The following HCFC1 variants were observed in gnomAD, a reference collection of about 807,000 sequenced individuals.
HCFC1 encodes the protein host cell factor 1.
A neutral mutation model predicts 105.5 loss-of-function variants in HCFC1; 7 were observed. That is an observed-to-expected ratio of 0.07 (90% confidence interval 0.04 to 0.12). The LOEUF is 0.12. Among genes scored for constraint, HCFC1 ranks in the 10% least tolerant of loss-of-function variants. The pLI is 1.00. For missense variants in HCFC1, 1,065 were observed against 1,823.6 expected (o/e 0.58, Z 7.58); for synonymous variants, 918 against 828.1 (o/e 1.11, Z -1.86).
intron 1 of HCFC1, among the ~76,000 whole-genome samples, chrX:153,970,375 G>C (rs910184005): frequency 1.1e-4 from 10 of 89,252 alleles, no homozygotes; most frequent in Non-Finnish European, 1.9e-4. Flanking sequence ...GAAGATCAGA[G>C]AAAAGCACTG....
intron 1 of HCFC1, among the ~76,000 whole-genome samples, chrX:153,967,062 A>G (rs2065479778): frequency 8.9e-6 from 1 of 112,268 alleles, no homozygotes; most frequent in South Asian, 3.7e-4. Flanking sequence ...GAGGTCTGTC[A>G]GGGAGCACAG....
At chrX:153,953,515 C>T (rs890403968) in intron 18 of HCFC1, 92 bp downstream of exon 18, 5 of 957,520 alleles carry the variant, frequency 5.2e-6, no homozygotes, top group Non-Finnish European at 4.3e-6. Context: ...GGCCCCATGC[C>T]TGGTACAAGA....
rs373327413 is a variant in HCFC1 at position 153,954,904 on chromosome X, C to G, written c.3495G>C (p.Gln1165His). 4.3e-5 allele frequency: 50 copies of G among 1,168,173 alleles called. No individual in the cohort carries two copies. In the Middle Eastern group the frequency reaches 8.4e-4, roughly 20 times the overall value. ...ALEAAQGSKS[Q>H]CQTRQTSATS... ...TCGCGCTGGTCTGGCGGGTTTGGCA[C>G]TGGGACTTAGAGCCCTGGGCTGCCT... The change falls in exon 17 of 26, where the codon CAG (glutamine) becomes CAC (histidine). Residue 1165 changes from glutamine to histidine, a missense_variant. Physicochemically the swap from Gln to His is conservative, Grantham distance 24. Around this residue, in one of 17 missense-constraint regions of HCFC1, gnomAD observed 546 missense variants for 599.9 expected, o/e 0.91. Transcript: ENST00000310441.
At position 153,971,479 on chromosome X, in the gene HCFC1, G is replaced by A; in HGVS notation, c.-639C>T. ...CCGGAGGCCGGTGGAACCAGCTCGA[G>A]CTCTCGAGGGCCGTTTGGGGGCTCG... On this transcript the variant is annotated 5_prime_UTR_variant, in exon 1 of 26. Transcript: ENST00000310441. The A allele has an allele frequency of 3.4e-6, 1 of 294,588 alleles. No individual in the cohort carries two copies. The highest frequency in any genetic ancestry group is 5.9e-6 in the Non-Finnish European group (1 of 168,443). 24.3% of individuals were successfully genotyped at this position (294,588 alleles called of 1,213,427 possible). A position where few individuals can be genotyped will look rare whatever the true frequency, so the allele number is the denominator to read the frequency against.
rs1557113945 is a variant in HCFC1 at position 153,954,625 on chromosome X, G to A, written c.3774C>T (p.Cys1258=). 18 of 1,206,574 alleles carry A rather than the reference G, an allele frequency of 1.5e-5. No individual in the cohort carries two copies. Among genetic ancestry groups the A allele is most frequent in the Admixed American group, 1.1e-4 (5 of 45,913 alleles). ...GAGEPRMAPV[C]ESLQGGSPST... ...TGGGCGAGCCACCCTGGAGGCTCTC[G>A]CACACAGGTGCCATGCGGGGCTCCC... Residue 1258 remains cysteine, a synonymous_variant, in exon 17 of 26, where the codon TGC becomes TGT. Coordinates refer to ENST00000310441, the MANE Select transcript of HCFC1 (RefSeq NM_005334.3).
rs782363866 is a variant in HCFC1, at chrX:153,955,515, G to C, written c.2884C>G (p.Leu962Val). 2.6e-6 allele frequency: 3 copies of C among 1,175,263 alleles called. No homozygotes were observed. The highest frequency in any genetic ancestry group is 3.9e-5 in the South Asian group (2 of 50,977). The change falls in exon 17 of 26, where the codon CTG (leucine) becomes GTG (valine). Residue 962 changes from leucine (L) to valine (V), a missense_variant. Transcript: ENST00000310441. Reference sequence around the variant, plus strand: ...TCCACCCCACTAGGTGCCGTGATCAGAGTTACCTGGGTGGGCTGGGACACG... The same window carrying C: ...TCCACCCCACTAGGTGCCGTGATCACAGTTACCTGGGTGGGCTGGGACACG... ...QPVSQPTQVT[L>V]ITAPSGVEAQ... is the part of the protein sequence containing the mutation.
rs782673807 is a variant in HCFC1 at position 153,954,989 on chromosome X, C to T, written c.3410G>A (p.Arg1137Gln). The T allele has an allele frequency of 3.3e-6, 4 of 1,205,818 alleles. No individual in the cohort carries two copies. Among genetic ancestry groups the T allele is most frequent in the East Asian group, 3.0e-5 (1 of 33,614 alleles). The change falls in exon 17 of 26, where the codon CGG (arginine) becomes CAG (glutamine). Residue 1137 changes from arginine to glutamine, a missense_variant. Transcript: ENST00000310441. ...GGCAGGGGTGCCAGCTGCACAGGCC[C>T]GACGGGCATCTCGCTGGTGGTTGGC... ...VGANHQRDARRACAAGTPAVI... is the reference protein window; with the variant it reads ...VGANHQRDARQACAAGTPAVI...
In HCFC1 at chrX:153,951,999, T is replaced by C; in HGVS notation, c.5102A>G (p.Gln1701Arg). The change falls in exon 20 of 26, where the codon CAG becomes CGG. Residue 1701 changes from glutamine to arginine, a missense_variant. Coordinates refer to ENST00000310441, the MANE Select transcript of HCFC1 (RefSeq NM_005334.3). ...ATGCTGCTGCTGGGCCTGGGCCTCC[T>C]GCAGCTGCTGCTGCTGCACCAGGGC... is the stretch of plus-strand genomic sequence containing the variant. ...LAALVQQQQL[Q>R]EAQAQQQHHH... 3.3e-6 allele frequency: 4 copies of C among 1,196,527 alleles called. No individual in the cohort carries two copies. Among genetic ancestry groups the C allele is most frequent in the Non-Finnish European group, 4.5e-6 (4 of 888,160 alleles).
chrX:153,960,018 T>C lies in HCFC1; in HGVS notation c.1228A>G (p.Thr410Ala), dbSNP rs782419845. The change falls in exon 8 of 26, where the codon ACC (threonine) becomes GCC (alanine). Residue 410 changes from threonine (T) to alanine (A), a missense_variant. Physicochemically the swap from Thr to Ala is moderately conservative, Grantham distance 58 (BLOSUM62 0). This residue lies in a region of HCFC1 where 101 missense variants were observed against 155.1 expected (regional missense o/e 0.65). Transcript: ENST00000310441. ...YDIPATAATA[T>A]SPTPNPVPSV... ...GGGACCGGATTGGGTGTAGGGGAGG[T>C]GGCAGTAGCAGCCGTGGCAGGAATG... 3 of 1,206,662 alleles carry C rather than the reference T, an allele frequency of 2.5e-6. No individual in the cohort carries two copies. Among genetic ancestry groups the C allele is most frequent in the Non-Finnish European group, 3.4e-6 (3 of 893,541 alleles).
At chrX:153,950,193 G>A (rs782444927) in intron 24 of HCFC1, 50 bp downstream of exon 24, 34 of 1,082,158 alleles carry the variant, frequency 3.1e-5, no homozygotes, top group African/African-American at 1.3e-4. Context: ...TGCTGCACCC[G>A]GCTTCCTGGG....
Position 153,949,243 on chromosome X carries a change from G to A in HCFC1, c.*104C>T. On this transcript the variant is annotated 3_prime_UTR_variant, in exon 26 of 26. Transcript: ENST00000310441. Reference sequence around the variant, plus strand: ...GAGAGGAGTGAACAGCGGCTCGCGAGGGTGAAGTGCGAATGCTGGGACGGG... The same window carrying A: ...GAGAGGAGTGAACAGCGGCTCGCGAAGGTGAAGTGCGAATGCTGGGACGGG... The A allele has an allele frequency of 1.7e-6, 1 of 585,065 alleles. No individual in the cohort carries two copies. The highest frequency in any genetic ancestry group is 2.9e-6 in the Non-Finnish European group (1 of 350,876). The allele number at this position is 585,065 out of a possible 1,213,427, so 48.2% of individuals were successfully genotyped here.
chrX:153,959,655 C>A, intron 8 of HCFC1, 147 bp downstream of exon 8: 2 of 934,690 alleles, frequency 2.1e-6, no homozygotes. Flanking sequence ...CAGGCTTTAG[C>A]ATCCCCCTAC....
At chrX:153,950,622 A>G in intron 23 of HCFC1, 79 bp from the exon 24 acceptor site, 3 of 958,405 alleles carry the variant, frequency 3.1e-6, no homozygotes, top group Non-Finnish European at 2.9e-6. Context: ...CCCATAAGCC[A>G]TTTTCTAACA....
chrX:153,960,219 G>A lies in HCFC1; in HGVS notation c.1084+16C>T. The A allele has an allele frequency of 8.4e-7, 1 of 1,186,313 alleles. No individual in the cohort carries two copies. Among genetic ancestry groups the A allele is most frequent in the Non-Finnish European group, 1.1e-6 (1 of 880,943 alleles). ...GGAGGCTATGGGAGGAGGGGAGTCG[G>A]CTGGGCCGGGCCTACCTGTCTCTAG... On this transcript the variant is annotated intron_variant, in intron 7 of 25. Transcript: ENST00000310441.
At position 153,970,954 on chromosome X, in the gene HCFC1, A is replaced by C; in HGVS notation, c.-114T>G. ...AGCTCTCACGGAGAAGCGGTTTCTC[A>C]CACAGCGGTAGACGACTCCATGGAG... is the stretch of plus-strand genomic sequence containing the variant. On this transcript the variant is annotated 5_prime_UTR_variant, in exon 1 of 26. The change abolishes the stop of an existing upstream ORF in the 5' untranslated region. Coordinates refer to ENST00000310441, the MANE Select transcript of HCFC1 (RefSeq NM_005334.3). 3.7e-4 allele frequency: 225 copies of C among 607,934 alleles called. No individual in the cohort carries two copies. Among genetic ancestry groups the C allele is most frequent in the Non-Finnish European group, 5.1e-4 (207 of 402,583 alleles). 50.1% of individuals were successfully genotyped at this position (607,934 alleles called of 1,213,427 possible). A position where few individuals can be genotyped will look rare whatever the true frequency, so the allele number is the denominator to read the frequency against.
Position 153,951,965 on chromosome X carries a change from G to A in HCFC1, c.5136C>T (p.Leu1712=). The change falls in exon 20 of 26, where the codon CTC becomes CTT. Residue 1712 remains leucine (L), a synonymous_variant. Transcript: ENST00000310441. ...EAQAQQQHHH[L]PTEALAPADS... is the part of the protein sequence containing the mutation. ...CGGCAGGGGCCAGGGCCTCAGTGGG[G>A]AGGTGGTGATGCTGCTGCTGGGCCT... The A allele has an allele frequency of 8.4e-7, 1 of 1,192,855 alleles. No homozygotes were observed. Among genetic ancestry groups the A allele is most frequent in the African/African-American group, 1.7e-5 (1 of 57,737 alleles).
rs2065348942 is a variant in HCFC1, at chrX:153,954,384, T to C, written c.4015A>G (p.Asn1339Asp). The stretch of plus-strand genomic sequence containing the variant: ...CCCTCGGGCTGGCCCGTGCCCCCGT[T>C]TGAAGTAGCGGTGGTGGCCGTGTGG... ...TTHTATTATS[N>D]GGTGQPEGGQ... is the part of the protein sequence containing the mutation. The change falls in exon 17 of 26, where the codon AAC (asparagine) becomes GAC (aspartate). Residue 1339 changes from asparagine (N) to aspartate (D), a missense_variant. By Grantham distance (23) the Asn-to-Asp change is conservative. Transcript: ENST00000310441. 8.3e-7 allele frequency: 1 copy of C among 1,207,442 alleles called. No individual in the cohort carries two copies. The highest frequency in any genetic ancestry group is 2.2e-5 in the Admixed American group (1 of 45,662).
In HCFC1 at chrX:153,952,788, A is replaced by C. The variant is rs1557112992; in HGVS notation, c.4668T>G (p.Ser1556=). 8.3e-7 allele frequency: 1 copy of C among 1,206,955 alleles called. No homozygotes were observed. The highest frequency in any genetic ancestry group is 1.8e-5 in the South Asian group (1 of 56,517). Residue 1556 remains serine (S), a synonymous_variant, in exon 19 of 26, where the codon TCT becomes TCG. Coordinates refer to ENST00000310441, the MANE Select transcript of HCFC1 (RefSeq NM_005334.3). ...AVDLSSTGEP[S]SGQESAGSAV... ...CAGAGCCGGCAGACTCCTGGCCCGAAGATGGCTCCCCTGTGCTGCTCAGAT... is the reference window on the plus strand; with the variant it reads ...CAGAGCCGGCAGACTCCTGGCCCGACGATGGCTCCCCTGTGCTGCTCAGAT...
chrX:153,951,295 G>T, intron 22 of HCFC1, 55 bp downstream of exon 22: 1 of 1,179,122 alleles, frequency 8.5e-7, no homozygotes, highest in Non-Finnish European at 1.2e-6. Context: ...CCCCGCTCAG[G>T]GTGGTGGAGC....
Sources: allele counts gnomAD v4.1 joint callset (sites outside exome capture counted in the v4.1 genomes callset), GRCh38; gene constraint gnomAD v4.1.1; regional missense constraint gnomAD v4.1.1; transcripts MANE v1.5; gene names NCBI Gene and HGNC (gene_info 2026-07-23, HGNC 2026-07-21).